The following PACRG variants were observed in gnomAD, a reference collection of about 807,000 sequenced individuals.
The protein encoded by PACRG is parkin coregulated gene protein.
In PACRG, 29 loss-of-function variants were observed where a neutral mutation model predicts 29.7. The ratio of observed to expected loss-of-function variants is 0.98; its 90% CI spans 0.73 to 1.33. The LOEUF (loss-of-function observed/expected upper bound fraction) is 1.33. Among genes scored for constraint, PACRG ranks in the 40% most tolerant of loss-of-function variants. The pLI is 0.00. For synonymous variants in PACRG, 116 were observed against 118.7 expected (o/e 0.98, Z 0.15); for missense variants, 279 against 316.2 (o/e 0.88, Z 0.89).
chr6:163,295,088 G>A (rs73025075), intron 4 of PACRG, among the ~76,000 whole-genome samples: 107 of 152,290 alleles, frequency 7.0e-4, no homozygotes, highest in Non-Finnish European at 1.2e-3. Context: ...CATAGTGCCT[G>A]ACACACAGTA....
intron 4 of PACRG, among the ~76,000 whole-genome samples, chr6:163,241,175 A>G (rs1782492992): frequency 6.6e-6 from 1 of 152,010 alleles, no homozygotes; most frequent in Non-Finnish European, 1.5e-5. Context: ...AGAGGGGAAG[A>G]AAAAAGGTGA....
At chr6:163,011,331 G>T (rs561218411) in intron 2 of PACRG, among the ~76,000 whole-genome samples, 1 of 152,298 alleles carries the variant, frequency 6.6e-6, no homozygotes, top group Middle Eastern at 3.4e-3. Context: ...ATTGCCCCCA[G>T]GAAATAAACC....
chr6:163,299,727 A>G (rs531222866), intron 4 of PACRG, among the ~76,000 whole-genome samples: 1 of 152,142 alleles, frequency 6.6e-6, no homozygotes, highest in Non-Finnish European at 1.5e-5. Context: ...AAAAATACAA[A>G]AATTAGCTGG....
chr6:162,800,580 TA>T (rs1219308023), intron 1 of PACRG, among the ~76,000 whole-genome samples: 5 of 152,366 alleles, frequency 3.3e-5, no homozygotes, highest in African/African-American at 1.2e-4. Flanking sequence ...AAGAATCTGG[TA>T]TCTATGAAAT....
chr6:162,741,582 A>G (rs955650587), intron 1 of PACRG, among the ~76,000 whole-genome samples: 1 of 152,152 alleles, frequency 6.6e-6, no homozygotes, highest in African/African-American at 2.4e-5. Context: ...CTCAAGACCT[A>G]TTCTAACCCT....
At chr6:163,138,970 T>A (rs6908473) in intron 4 of PACRG, among the ~76,000 whole-genome samples, 32,035 of 152,068 alleles carry the variant, frequency 0.21, 4,718 homozygotes, top group African/African-American at 0.41. Flanking sequence ...GAGTTTAGAG[T>A]CATATAGACC....
intron 3 of PACRG, among the ~76,000 whole-genome samples, chr6:163,077,395 G>A (rs953326170): frequency 1.3e-5 from 2 of 152,042 alleles, no homozygotes; most frequent in Admixed American, 1.3e-4. Context: ...GAGGTCATCC[G>A]GCAGTAAAGG....
intron 4 of PACRG, among the ~76,000 whole-genome samples, chr6:163,090,632 A>C (rs1814016105): frequency 6.6e-6 from 1 of 152,284 alleles, no homozygotes. Flanking sequence ...CTTCATTCAT[A>C]GTTCATATTT....
At chr6:163,241,007 T>A (rs573929726) in intron 4 of PACRG, among the ~76,000 whole-genome samples, 2 of 152,374 alleles carry the variant, frequency 1.3e-5, no homozygotes, top group Non-Finnish European at 2.9e-5. Context: ...TTTCTAATTC[T>A]TCTCAAAAGG....
At chr6:163,240,027 C>A (rs73601551) in intron 4 of PACRG, among the ~76,000 whole-genome samples, 2,016 of 151,020 alleles carry the variant, frequency 0.013, 50 homozygotes, top group African/African-American at 0.046. Context: ...CATACACACA[C>A]CCTCACCCCT....
chr6:163,105,213 C>T (rs1042076784), intron 4 of PACRG, among the ~76,000 whole-genome samples: 1 of 152,046 alleles, frequency 6.6e-6, no homozygotes, highest in Non-Finnish European at 1.5e-5. Context: ...ATATAATTCT[C>T]TCTAAATAAA....
chr6:162,830,539 A>G (rs1788673529), intron 2 of PACRG, among the ~76,000 whole-genome samples: 1 of 152,242 alleles, frequency 6.6e-6, no homozygotes, highest in Non-Finnish European at 1.5e-5. Flanking sequence ...CCCCAGGGAC[A>G]CAGTGATGTT....
At chr6:163,265,297 C>T (rs1426528976) in intron 4 of PACRG, among the ~76,000 whole-genome samples, 10 of 152,152 alleles carry the variant, frequency 6.6e-5, no homozygotes, top group Non-Finnish European at 1.5e-4. Flanking sequence ...CCTTCTGGTC[C>T]GCATCCTTTT....
intron 4 of PACRG, among the ~76,000 whole-genome samples, chr6:163,102,632 G>A (rs501775): frequency 0.46 from 69,644 of 152,076 alleles, 16,823 homozygotes; most frequent in African/African-American, 0.63. Flanking sequence ...TAAGGACCAC[G>A]TGATGATATG....
At chr6:163,199,452 C>A (rs1211054982) in intron 4 of PACRG, among the ~76,000 whole-genome samples, 1 of 152,186 alleles carries the variant, frequency 6.6e-6, no homozygotes, top group Non-Finnish European at 1.5e-5. Context: ...CTCATGACAA[C>A]CCTATAACCC....
intron 2 of PACRG, among the ~76,000 whole-genome samples, chr6:162,919,530 C>T (rs1241373660): frequency 1.3e-5 from 2 of 152,076 alleles, no homozygotes; most frequent in Admixed American, 6.6e-5. Context: ...AGCTAAGAGG[C>T]CAGTACAATT....
At chr6:162,860,416 A>C (rs1485078928) in intron 2 of PACRG, among the ~76,000 whole-genome samples, 1 of 152,230 alleles carries the variant, frequency 6.6e-6, no homozygotes, top group African/African-American at 2.4e-5. Context: ...ATTCTTTAGA[A>C]AGTAAGTTGT....
At chr6:163,116,145 G>T (rs1389214956) in intron 4 of PACRG, among the ~76,000 whole-genome samples, 1 of 152,208 alleles carries the variant, frequency 6.6e-6, no homozygotes, top group Non-Finnish European at 1.5e-5. Flanking sequence ...TCATGGTTCT[G>T]CAGGCTGTAC....
intron 4 of PACRG, among the ~76,000 whole-genome samples, chr6:163,163,110 T>G (rs1013135134): frequency 2.0e-5 from 3 of 152,228 alleles, no homozygotes; most frequent in African/African-American, 7.2e-5. Flanking sequence ...AATCAGGACC[T>G]GACCCACCTT....
Sources: allele counts gnomAD v4.1 joint callset (sites outside exome capture counted in the v4.1 genomes callset), GRCh38; gene constraint gnomAD v4.1.1; transcripts MANE v1.5; gene names NCBI Gene and HGNC (gene_info 2026-07-23, HGNC 2026-07-21).